CNTNAP2: variants seen among roughly 807,000 people sequenced by gnomAD.
CNTNAP2 encodes the protein contactin-associated protein-like 2.
In CNTNAP2, 98 loss-of-function variants were observed where a neutral mutation model predicts 155.2. The ratio of observed to expected loss-of-function variants is 0.63; its 90% CI spans 0.54 to 0.75. The LOEUF (loss-of-function observed/expected upper bound fraction) is 0.75. Ranked by LOEUF, CNTNAP2 falls within the 30% of genes least tolerant of loss-of-function variation. CNTNAP2 has a pLI of 0.00. For synonymous variants in CNTNAP2, 651 were observed against 631.2 expected (o/e 1.03, Z -0.47); for missense variants, 1,727 against 1,688.1 (o/e 1.02, Z -0.40).
intron 15 of CNTNAP2, among the ~76,000 whole-genome samples, chr7:148,100,172 G>A (rs915847526): frequency 3.3e-5 from 5 of 151,828 alleles, no homozygotes; most frequent in East Asian, 3.9e-4. Flanking sequence ...GCCCGGCCAC[G>A]CTCCTCCCTC....
In CNTNAP2 at chr7:148,147,462, C is replaced by T. The variant is rs753208711; in HGVS notation, c.2555-29C>T. The stretch of plus-strand genomic sequence containing the variant: ...ATTTGGTATCTGGGAGAAAAATACT[C>T]ATGTTTTTCATGCTTTCTGCTCCTC... On this transcript the variant is annotated intron_variant, in intron 16 of 23. Coordinates refer to ENST00000361727, the MANE Select transcript of CNTNAP2 (RefSeq NM_014141.6). The T allele has an allele frequency of 3.8e-6, 6 of 1,598,288 alleles. No homozygotes were observed. The South Asian group carries it at 6.6e-5, about 18-fold the overall frequency.
At chr7:146,788,032 C>T (rs1280673688) in intron 2 of CNTNAP2, among the ~76,000 whole-genome samples, 2 of 152,208 alleles carry the variant, frequency 1.3e-5, no homozygotes, top group East Asian at 1.9e-4. Context: ...TCTCCAGGTC[C>T]CCACCCTACC....
At chr7:148,177,906 T>TTC (rs2116698787) in intron 18 of CNTNAP2, among the ~76,000 whole-genome samples, 2 of 152,008 alleles carry the variant, frequency 1.3e-5, no homozygotes, top group African/African-American at 2.4e-5. Context: ...TTTTTTTTTT[T>TTC]TTGCTACATC....
intron 1 of CNTNAP2, among the ~76,000 whole-genome samples, chr7:146,512,600 T>A (rs1797483691): frequency 6.6e-6 from 1 of 151,806 alleles, no homozygotes; most frequent in African/African-American, 2.4e-5. Context: ...GTTTCCAAGG[T>A]TTTTCTTATT....
intron 1 of CNTNAP2, among the ~76,000 whole-genome samples, chr7:146,122,442 A>T (rs1279260608): frequency 6.6e-6 from 1 of 152,222 alleles, no homozygotes; most frequent in Non-Finnish European, 1.5e-5. Flanking sequence ...GTTATTTTCT[A>T]ATCTAGAACT....
intron 1 of CNTNAP2, among the ~76,000 whole-genome samples, chr7:146,638,777 G>C (rs932623903): frequency 6.6e-6 from 1 of 151,968 alleles, no homozygotes; most frequent in East Asian, 2.0e-4. Flanking sequence ...GAGCCACCGC[G>C]CCCGGCCAGG....
intron 18 of CNTNAP2, among the ~76,000 whole-genome samples, chr7:148,204,548 T>C (rs533008713): frequency 6.6e-6 from 1 of 152,358 alleles, no homozygotes; most frequent in South Asian, 2.1e-4. Flanking sequence ...AACAAAAGTT[T>C]ATCAAAAGTA....
chr7:147,406,496 C>T (rs1797007771), intron 10 of CNTNAP2, among the ~76,000 whole-genome samples: 1 of 152,048 alleles, frequency 6.6e-6, no homozygotes, highest in South Asian at 2.1e-4. Context: ...TCCATTTCCT[C>T]TTTGTATTGT....
At chr7:146,856,042 C>T in intron 3 of CNTNAP2, among the ~76,000 whole-genome samples, 1 of 148,952 alleles carries the variant, frequency 6.7e-6, no homozygotes, top group Admixed American at 6.8e-5. Context: ...TTAAATTAAA[C>T]ACACCTTGTT....
chr7:147,061,213 C>A (rs547059638), intron 4 of CNTNAP2, among the ~76,000 whole-genome samples: 3 of 152,194 alleles, frequency 2.0e-5, no homozygotes, highest in Admixed American at 2.0e-4. Flanking sequence ...ATTGTACTTA[C>A]AGTCAGAAAT....
intron 13 of CNTNAP2, among the ~76,000 whole-genome samples, chr7:147,899,510 A>G (rs530846750): frequency 6.6e-6 from 1 of 152,338 alleles, no homozygotes; most frequent in East Asian, 1.9e-4. Context: ...TTAATGCTAC[A>G]TTGGACACTT....
intron 13 of CNTNAP2, among the ~76,000 whole-genome samples, chr7:147,840,632 G>A (rs1208873756): frequency 6.6e-6 from 1 of 152,102 alleles, no homozygotes; most frequent in African/African-American, 2.4e-5. Context: ...GGGCTAATTT[G>A]TGCTTAAGAA....
At chr7:147,726,209 G>A (rs889619724) in intron 13 of CNTNAP2, among the ~76,000 whole-genome samples, 8 of 151,982 alleles carry the variant, frequency 5.3e-5, no homozygotes, top group African/African-American at 1.9e-4. Context: ...GAACAGTAAA[G>A]TATTATATAC....
Position 147,826,690 on chromosome 7 carries a change from C to T in CNTNAP2, c.2099-76875C>T, listed in dbSNP as rs372695643. On this transcript the variant is annotated intron_variant, in intron 13 of 23. Transcript: ENST00000361727. Reference sequence around the variant, plus strand: ...TTCACTGACTGATATAAACAGCAAGCTATTTCAACAGATAGAGAACGCTGG... The same window carrying T: ...TTCACTGACTGATATAAACAGCAAGTTATTTCAACAGATAGAGAACGCTGG... Among the ~76,000 whole-genome samples, 4 of 152,148 alleles carry T rather than the reference C, an allele frequency of 2.6e-5. No individual in the cohort carries two copies. The South Asian group carries it at 6.2e-4, about 24-fold the overall frequency.
chr7:148,016,130 C>A (rs1284573179), intron 15 of CNTNAP2, among the ~76,000 whole-genome samples: 1 of 152,210 alleles, frequency 6.6e-6, no homozygotes, highest in Non-Finnish European at 1.5e-5. Context: ...GCAATTCGGG[C>A]ACCAGTTTTG....
intron 11 of CNTNAP2, among the ~76,000 whole-genome samples, chr7:147,537,616 A>G (rs1007307469): frequency 1.3e-5 from 2 of 152,178 alleles, no homozygotes; most frequent in East Asian, 1.9e-4. Flanking sequence ...GAAATCTCCA[A>G]TGCTAACACA....
chr7:148,359,700 T>C (rs1798581702), intron 21 of CNTNAP2, among the ~76,000 whole-genome samples: 1 of 152,236 alleles, frequency 6.6e-6, no homozygotes, highest in African/African-American at 2.4e-5. Flanking sequence ...TTTTTAATTG[T>C]CTCACACTGT....
intron 1 of CNTNAP2, among the ~76,000 whole-genome samples, chr7:146,659,156 C>T (rs1800043168): frequency 6.6e-6 from 1 of 152,146 alleles, no homozygotes; most frequent in Non-Finnish European, 1.5e-5. Flanking sequence ...TTTTAGTTTT[C>T]TTATTCTCAG....
At chr7:147,572,515 T>C (rs1246903676) in intron 12 of CNTNAP2, among the ~76,000 whole-genome samples, 1 of 152,138 alleles carries the variant, frequency 6.6e-6, no homozygotes, top group African/African-American at 2.4e-5. Flanking sequence ...CAAAACAATA[T>C]CTTATAGACA....
Sources: allele counts gnomAD v4.1 joint callset (sites outside exome capture counted in the v4.1 genomes callset), GRCh38; gene constraint gnomAD v4.1.1; transcripts MANE v1.5; gene names NCBI Gene and HGNC (gene_info 2026-07-23, HGNC 2026-07-21).